ZNF324B: variants seen among roughly 807,000 people sequenced by gnomAD.
The protein encoded by ZNF324B is zinc finger protein 324B.
ZNF324B carries 7 observed loss-of-function variants against 10.6 expected under a neutral mutation model. The ratio of observed to expected loss-of-function variants is 0.66; its 90% confidence interval spans 0.38 to 1.24. The LOEUF is 1.24. Ranked by LOEUF, ZNF324B falls within the 50% of genes most tolerant of loss-of-function variation. The pLI is 0.02. For synonymous variants in ZNF324B, 316 were observed against 321.0 expected (o/e 0.98, Z 0.17); for missense variants, 640 against 764.7 (o/e 0.84, Z 1.92).
chr19:58,446,559 G>C, the ZNF324B span, among the ~76,000 whole-genome samples: 12,140 of 140,584 alleles, frequency 0.086, 1,612 homozygotes, highest in African/African-American at 0.3. Context: ...AGCCTGATTG[G>C]ATAATTTCTT....
the ZNF324B span, chr19:58,434,210 A>G: frequency 6.2e-7 from 1 of 1,614,126 alleles, no homozygotes; most frequent in Non-Finnish European, 8.5e-7. Flanking sequence ...CTTCGGCTGA[A>G]GGATTTACCA....
chr19:58,448,012 G>A (rs2052835465), upstream of ZNF324B, among the ~76,000 whole-genome samples: 4 of 152,222 alleles, frequency 2.6e-5, no homozygotes, highest in South Asian at 8.3e-4. Context: ...GGAACTGTGA[G>A]TCCATTAAAC....
chr19:58,431,684 T>G, the ZNF324B span, among the ~76,000 whole-genome samples: 1 of 152,100 alleles, frequency 6.6e-6, no homozygotes, highest in Non-Finnish European at 1.5e-5. Context: ...AATTACATGG[T>G]AAATAAGCTT....
the ZNF324B span, among the ~76,000 whole-genome samples, chr19:58,427,386 C>CTT: frequency 4.8e-5 from 2 of 41,990 alleles, no homozygotes; most frequent in East Asian, 1.6e-3. Flanking sequence ...TTCTTTCTTT[C>CTT]TTTCTTTCTT....
At chr19:58,427,439 C>CT in the ZNF324B span, among the ~76,000 whole-genome samples, 7,259 of 33,436 alleles carry the variant, frequency 0.22, 1,000 homozygotes, top group East Asian at 0.4. Flanking sequence ...TCCTTCCTTC[C>CT]TTCCTTTCCT....
At chr19:58,445,289 C>T in the ZNF324B span, 2 of 428,280 alleles carry the variant, frequency 4.7e-6, no homozygotes, top group Non-Finnish European at 9.1e-6. Context: ...CTATTTAGCA[C>T]CAGCAATTTA....
rs2052910032 is a variant in ZNF324B at position 58,455,654 on chromosome 19, G to T, written c.710G>T (p.Gly237Val). Residue 237 changes from glycine (G) to valine (V), a missense_variant, in exon 4 of 4, where the codon GGC becomes GTC. Around this residue, in one of 3 missense-constraint regions of ZNF324B, gnomAD observed 345 missense variants for 387.9 expected, o/e 0.89. Transcript: ENST00000336614. The surrounding 1 kb of genome is among the most constrained non-coding windows in gnomAD (Gnocchi z 7.0). ...CAGGAGCCTCATAGACTCCTCGGTG[G>T]CCAGGAGCCCTCGACCTGGGACGAG... is the stretch of plus-strand genomic sequence containing the variant. The part of the protein sequence containing the change: ...AWQEPHRLLG[G>V]QEPSTWDELG... 6.2e-7 allele frequency: 1 copy of T among 1,613,620 alleles called. No individual in the cohort carries two copies. The highest frequency in any genetic ancestry group is 8.5e-7 in the Non-Finnish European group (1 of 1,179,892).
At chr19:58,452,659 G>A (rs1296815034) in intron 1 of ZNF324B, 4 of 971,352 alleles carry the variant, frequency 4.1e-6, no homozygotes, top group Admixed American at 1.2e-4. Context: ...CAAGAGTCTG[G>A]GATGTCCCAG....
At chr19:58,439,971 G>A in the ZNF324B span, 18,908 of 727,290 alleles carry the variant, frequency 0.026, 2,202 homozygotes, top group African/African-American at 0.28. Flanking sequence ...TGGAGACCCT[G>A]GAGACGCGTG....
At chr19:58,451,511 C>G, upstream of ZNF324B, 1 of 442,320 alleles carries the variant, frequency 2.3e-6, no homozygotes, top group Non-Finnish European at 4.5e-6. Context: ...GGCCCCGCCT[C>G]CGCGCCGAAA....
rs1391440969 is a variant in ZNF324B, at chr19:58,457,795, A to T, written c.*1216A>T. The T allele has an allele frequency of 6.6e-6, 1 of 152,108 alleles. No individual in the cohort carries two copies. Among genetic ancestry groups the T allele is most frequent in the Non-Finnish European group, 1.5e-5 (1 of 68,030 alleles). The allele number at this position is 152,108 out of a possible 1,614,324, so 9.4% of individuals were successfully genotyped here. ...GTCTTTTCAATGGAGAAAAAAAAAG[A>T]CTAGTATTTGCAACTTCAAATAGAT... On this transcript the variant is annotated 3_prime_UTR_variant, in exon 4 of 4. Transcript: ENST00000336614.
chr19:58,435,492 G>T, the ZNF324B span: 1 of 308,198 alleles, frequency 3.2e-6, no homozygotes, highest in Non-Finnish European at 6.0e-6. Context: ...TACACAAATG[G>T]CCAATAAGCA....
chr19:58,437,085 CTG>C, the ZNF324B span: 1 of 1,614,146 alleles, frequency 6.2e-7, no homozygotes, highest in Non-Finnish European at 8.5e-7. Flanking sequence ...CAGCATCACA[CTG>C]TGGTACAGGT....
At chr19:58,423,451 C>T in the ZNF324B span, among the ~76,000 whole-genome samples, 10 of 152,228 alleles carry the variant, frequency 6.6e-5, no homozygotes, top group Admixed American at 5.2e-4. Context: ...TGAGCCACTG[C>T]GCCTGGCAGA....
chr19:58,447,490 T>C (rs979139896), upstream of ZNF324B, among the ~76,000 whole-genome samples: 2 of 152,256 alleles, frequency 1.3e-5, no homozygotes, highest in Non-Finnish European at 2.9e-5. Context: ...AAGTATTAAG[T>C]AATTAACATT....
At chr19:58,423,014 T>G in the ZNF324B span, among the ~76,000 whole-genome samples, 1 of 150,842 alleles carries the variant, frequency 6.6e-6, no homozygotes, top group Non-Finnish European at 1.5e-5. Context: ...GGACTACAGG[T>G]GCACGCCACT....
chr19:58,421,261 C>T, the ZNF324B span, among the ~76,000 whole-genome samples: 3 of 152,124 alleles, frequency 2.0e-5, no homozygotes, highest in Non-Finnish European at 2.9e-5. Flanking sequence ...ACAAAAATCC[C>T]TTGAAGGAGG....
At chr19:58,453,954 A>C in intron 2 of ZNF324B, 132 bp downstream of exon 2, 1 of 1,389,026 alleles carries the variant, frequency 7.2e-7, no homozygotes, top group South Asian at 1.4e-5. Flanking sequence ...TCCTGTAGAC[A>C]CAAAGTTTGG....
the ZNF324B span, among the ~76,000 whole-genome samples, chr19:58,446,452 A>G: frequency 3.3e-5 from 5 of 151,746 alleles, no homozygotes; most frequent in African/African-American, 9.7e-5. Context: ...TGTTTATACT[A>G]CCTTGGAGGG....
Sources: allele counts gnomAD v4.1 joint callset (sites outside exome capture counted in the v4.1 genomes callset), GRCh38; gene constraint gnomAD v4.1.1; regional missense constraint gnomAD v4.1.1; non-coding constraint Gnocchi (gnomAD v3.1); transcripts MANE v1.5; gene names NCBI Gene and HGNC (gene_info 2026-07-23, HGNC 2026-07-21).